The following SPAG5 variants were observed in gnomAD, a reference collection of about 807,000 sequenced individuals.
SPAG5 encodes the protein sperm associated antigen 5, also known as sperm-associated antigen 5.
SPAG5 carries 99 observed loss-of-function variants against 145.4 expected under a neutral mutation model. The observed-to-expected ratio is 0.68, with a 90% confidence interval of 0.58 to 0.80. The LOEUF (loss-of-function observed/expected upper bound fraction) is 0.80. Ranked by LOEUF, SPAG5 falls within the 30% of genes least tolerant of loss-of-function variation. SPAG5 has a pLI of 0.00. For missense variants in SPAG5, 1,192 were observed against 1,416.0 expected, an observed-to-expected ratio of 0.84 and a Z score of 2.54; for synonymous variants, 477 against 525.4, an observed-to-expected ratio of 0.91 and a Z score of 1.26.
chr17:28,596,688 A>G (rs949179689), intron 2 of SPAG5, among the ~76,000 whole-genome samples: 2 of 152,068 alleles, frequency 1.3e-5, no homozygotes, highest in East Asian at 1.9e-4. Flanking sequence ...TAATTAATTA[A>G]TAATCATAAT....
At chr17:28,581,631 TC>T (rs2070549496) in intron 15 of SPAG5, among the ~76,000 whole-genome samples, 1 of 151,482 alleles carries the variant, frequency 6.6e-6, no homozygotes, top group Non-Finnish European at 1.5e-5. Flanking sequence ...CTCAGCCTGC[TC>T]CCTCTCCTCC....
chr17:28,584,606 G>T, intron 11 of SPAG5, 46 bp downstream of exon 11: 1 of 1,597,320 alleles, frequency 6.3e-7, no homozygotes. Flanking sequence ...CCTTAACAGG[G>T]CTCAAATGCT....
In SPAG5 at chr17:28,597,183, G is replaced by A. The variant is rs185925264; in HGVS notation, c.177+1327C>T. Reference sequence around the variant, plus strand: ...TGTAATCCCAGCACTTTGGGAGGCCGAGGCGGGCGGACCACTTGAGGTCAG... The same window carrying A: ...TGTAATCCCAGCACTTTGGGAGGCCAAGGCGGGCGGACCACTTGAGGTCAG... On this transcript the variant is annotated intron_variant, in intron 2 of 23. Transcript: ENST00000321765. Among the ~76,000 whole-genome samples the A allele has an allele frequency of 9.9e-5, 15 of 152,250 alleles. No individual in the cohort carries two copies. The East Asian group carries it at 2.1e-3, about 22-fold the overall frequency.
intron 2 of SPAG5, among the ~76,000 whole-genome samples, chr17:28,596,158 T>C (rs2070663383): frequency 6.6e-6 from 1 of 152,064 alleles, no homozygotes; most frequent in East Asian, 1.9e-4. Context: ...TGAGCCAAGA[T>C]TGTGCCACTG....
At position 28,578,099 on chromosome 17, in the gene SPAG5, C is replaced by G; in HGVS notation, c.3430-9G>C. The G allele has an allele frequency of 6.2e-7, 1 of 1,613,804 alleles. No individual in the cohort carries two copies. The highest frequency in any genetic ancestry group is 8.5e-7 in the Non-Finnish European group (1 of 1,179,706). On this transcript the variant is annotated splice_polypyrimidine_tract_variant and intron_variant, in intron 22 of 23. Transcript: ENST00000321765. ...TCCTCTAGGATATTTCTCTAGAAAG[C>G]AAACAGATTTTATAAGTCCTATGCA...
chr17:28,594,559 C>T (rs1220364445), intron 2 of SPAG5, among the ~76,000 whole-genome samples: 2 of 152,144 alleles, frequency 1.3e-5, no homozygotes, highest in African/African-American at 4.8e-5. Context: ...CGTGACACTG[C>T]ACTCCAGCCT....
intron 10 of SPAG5, 113 bp from the exon 11 acceptor site, chr17:28,584,858 C>G (rs1034413839): frequency 1.1e-6 from 1 of 879,452 alleles, no homozygotes. Context: ...TCCTGGGCAT[C>G]AACATTGCAG....
rs570414779 is a variant in SPAG5 at position 28,596,377 on chromosome 17, A to G, written c.177+2133T>C. Among the ~76,000 whole-genome samples, 8 of 152,286 alleles carry G rather than the reference A, an allele frequency of 5.3e-5. No individual in the cohort carries two copies. The South Asian group carries it at 8.3e-4, about 16-fold the overall frequency. On this transcript the variant is annotated intron_variant, in intron 2 of 23. Coordinates refer to ENST00000321765, the MANE Select transcript of SPAG5 (RefSeq NM_006461.4). ...GATTAAATAATTATGGTTAAATTCT[A>G]TAAGTTCAGGCTGGGCGCCATAGCT...
At chr17:28,591,566 G>T in intron 4 of SPAG5, 132 bp downstream of exon 4, 1 of 885,060 alleles carries the variant, frequency 1.1e-6, no homozygotes, top group South Asian at 1.8e-5. Flanking sequence ...TGACTGCCCA[G>T]ATTCTCAGCT....
chr17:28,593,560 A>G (rs771128657), intron 2 of SPAG5, among the ~76,000 whole-genome samples: 1 of 152,172 alleles, frequency 6.6e-6, no homozygotes, highest in Non-Finnish European at 1.5e-5. Flanking sequence ...TCTACTAAAA[A>G]TACAAACATT....
chr17:28,585,995 G>C lies in SPAG5; in HGVS notation c.1609C>G (p.Arg537Gly). 1 of 1,614,142 alleles carries C rather than the reference G, an allele frequency of 6.2e-7. No individual in the cohort carries two copies. Among genetic ancestry groups the C allele is most frequent in the Non-Finnish European group, 8.5e-7 (1 of 1,180,024 alleles). Residue 537 changes from arginine (R) to glycine (G), a missense_variant, in exon 7 of 24, where the codon CGG (arginine) becomes GGG (glycine). Transcript: ENST00000321765. The stretch of plus-strand genomic sequence containing the variant: ...CAACAGACCAATGTTTCTGCACGCC[G>C]AGACTATATGGTAAGAATCAGTTAA... ...EDKTTVSQES[R>G]RAETLVCCCF...
chr17:28,581,686 C>CCG (rs1351323542), intron 15 of SPAG5, among the ~76,000 whole-genome samples: 1 of 152,110 alleles, frequency 6.6e-6, no homozygotes, highest in African/African-American at 2.4e-5. Context: ...CTCTGCCCCC[C>CCG]GGTCTAGGTC....
rs1318962449 is a variant in SPAG5 at position 28,592,071 on chromosome 17, T to C, written c.1173A>G (p.Ser391=). 6.2e-7 allele frequency: 1 copy of C among 1,613,954 alleles called. No individual in the cohort carries two copies. Among genetic ancestry groups the C allele is most frequent in the Non-Finnish European group, 8.5e-7 (1 of 1,180,024 alleles). Residue 391 remains serine, a synonymous_variant, in exon 3 of 24, where the codon TCA becomes TCG. Coordinates refer to ENST00000321765, the MANE Select transcript of SPAG5 (RefSeq NM_006461.4). The part of the protein sequence containing the change: ...TCSVGTWFTP[S]APQEKSTNTS... Reference sequence around the variant, plus strand: ...TGTTTGTACTCTTTTCCTGTGGTGCTGAAGGAGTAAACCAAGTCCCCACCG... The same window carrying C: ...TGTTTGTACTCTTTTCCTGTGGTGCCGAAGGAGTAAACCAAGTCCCCACCG...
Position 28,586,100 on chromosome 17 carries a change from A to T in SPAG5, c.1595T>A (p.Val532Glu), listed in dbSNP as rs763054809. Residue 532 changes from valine (V) to glutamate (E), a missense_variant, in exon 6 of 24, where the codon GTG becomes GAG. Physicochemically the swap from Val to Glu is moderately radical, Grantham distance 121. Coordinates refer to ENST00000321765, the MANE Select transcript of SPAG5 (RefSeq NM_006461.4). The part of the protein sequence containing the change: ...LLHLEEDKTT[V>E]SQESRRAETL... ...CTTCAGGCTGCTTACCTCCTGACTC[A>T]CAGTAGTCTTATCTTCTTCTAAATG... is the stretch of plus-strand genomic sequence containing the variant. 33 of 1,614,002 alleles carry T rather than the reference A, an allele frequency of 2.0e-5. No homozygotes were observed. The highest frequency in any genetic ancestry group is 2.8e-5 in the Non-Finnish European group (33 of 1,179,890).
chr17:28,594,219 C>G (rs2070643879), intron 2 of SPAG5, among the ~76,000 whole-genome samples: 2 of 152,112 alleles, frequency 1.3e-5, no homozygotes, highest in African/African-American at 4.8e-5. Context: ...ATGCTAGACA[C>G]ATAATTATAA....
chr17:28,598,342 T>C (rs1250286082), intron 2 of SPAG5, 168 bp downstream of exon 2: 1 of 729,098 alleles, frequency 1.4e-6, no homozygotes, highest in Non-Finnish European at 2.1e-6. Context: ...GGATTTCCTT[T>C]AACCACCCTA....
At position 28,598,942 on chromosome 17, in the gene SPAG5, C is replaced by T. The variant is rs201347511; in HGVS notation, c.5G>A (p.Trp2Ter). 1.9e-6 allele frequency: 3 copies of T among 1,614,048 alleles called. No homozygotes were observed. The highest frequency in any genetic ancestry group is 4.5e-5 in the East Asian group (2 of 44,850). ...GCTGAGGCTCAGTTTTTTCACTCGC[C>T]ACATCTTCAACCAGAAGGCAGGCCT... M[W>*]RVKKLSLSLS... The change falls in exon 1 of 24, where the codon TGG (tryptophan) becomes TAG (stop). Residue 2 changes from tryptophan to a stop codon, truncating the protein, a stop_gained. Transcript: ENST00000321765. LOFTEE classifies it high-confidence loss of function.
intron 15 of SPAG5, chr17:28,580,358 C>T: frequency 3.7e-6 from 1 of 272,080 alleles, no homozygotes; most frequent in Non-Finnish European, 6.8e-6. Flanking sequence ...TTCTTCTTAC[C>T]TTAAATCCCC....
chr17:28,578,366 G>C lies in SPAG5; in HGVS notation c.3354+7C>G. ...GCTGTCCAGCTCCTCTGTTAACTCT[G>C]AGTCACCTCCTGAGAGAGCCACACT... On this transcript the variant is annotated splice_region_variant and intron_variant, in intron 21 of 23. Coordinates refer to ENST00000321765, the MANE Select transcript of SPAG5 (RefSeq NM_006461.4). The C allele has an allele frequency of 6.2e-7, 1 of 1,614,110 alleles. No individual in the cohort carries two copies. Among genetic ancestry groups the C allele is most frequent in the Non-Finnish European group, 8.5e-7 (1 of 1,179,986 alleles).
Sources: gnomAD v4.1 joint callset for allele counts (sites outside exome capture counted in the v4.1 genomes callset) on GRCh38, gnomAD v4.1.1 for gene constraint, MANE v1.5 for transcripts, NCBI Gene and HGNC (gene_info 2026-07-23, HGNC 2026-07-21) for gene names.